The following RBFOX2 variants were observed in gnomAD, a reference collection of about 807,000 sequenced individuals.
The protein encoded by RBFOX2 is RNA binding fox-1 homolog 2.
A neutral mutation model predicts 49.1 loss-of-function variants in RBFOX2; 10 were observed. That is an observed-to-expected ratio of 0.20 (90% CI 0.13 to 0.35). The LOEUF (loss-of-function observed/expected upper bound fraction) is 0.35. Ranked by LOEUF, RBFOX2 falls within the 10% of genes least tolerant of loss-of-function variation. The pLI is 1.00. For missense variants in RBFOX2, 323 were observed against 486.9 expected (o/e 0.66, Z 3.17); for synonymous variants, 183 against 187.4 (o/e 0.98, Z 0.19).
intron 1 of RBFOX2, among the ~76,000 whole-genome samples, chr22:35,959,021 T>C (rs751141286): frequency 2.6e-4 from 40 of 152,010 alleles, no homozygotes; most frequent in Non-Finnish European, 7.4e-5. Context: ...ATACTCAAGA[T>C]AGCTGGGAGA....
intron 1 of RBFOX2, among the ~76,000 whole-genome samples, chr22:35,949,497 C>T (rs1028338470): frequency 6.6e-6 from 1 of 152,214 alleles, no homozygotes; most frequent in Admixed American, 6.5e-5. Context: ...TTCCACAGCA[C>T]TGAACCATTT....
intron 1 of RBFOX2, among the ~76,000 whole-genome samples, chr22:35,919,241 T>G (rs180823804): frequency 6.6e-5 from 10 of 152,190 alleles, no homozygotes; most frequent in Admixed American, 6.5e-4. Context: ...ATAGAGGAAT[T>G]AAGAAGTGAT....
At chr22:35,973,259 G>A (rs181157482) in intron 1 of RBFOX2, among the ~76,000 whole-genome samples, 20 of 152,158 alleles carry the variant, frequency 1.3e-4, no homozygotes, top group East Asian at 7.7e-4. Context: ...ATTTTCTTCC[G>A]TTAAACTGTT....
At position 35,969,113 on chromosome 22, in the gene RBFOX2, C is replaced by T. The variant is rs2056730740; in HGVS notation, c.187-30216G>A. The stretch of plus-strand genomic sequence containing the variant: ...GTAAAGTGAAGTGGGGTCTCAAGAG[C>T]CCCTCATACACTCTCCTTGCACACT... On this transcript the variant is annotated intron_variant, in intron 1 of 13. Transcript: ENST00000438146. 1.3e-5 allele frequency among the ~76,000 whole-genome samples: 2 copies of T among 152,126 alleles called. 1 individual carries two copies. The highest frequency in any genetic ancestry group is 4.2e-4 in the South Asian group (2 of 4,814).
intron 1 of RBFOX2, among the ~76,000 whole-genome samples, chr22:35,884,829 T>C (rs539295758): frequency 6.6e-6 from 1 of 152,278 alleles, no homozygotes; most frequent in East Asian, 1.9e-4. Context: ...TACAACATAT[T>C]GGTTAAGAGT....
At chr22:36,002,687 G>A (rs934668721) in intron 1 of RBFOX2, among the ~76,000 whole-genome samples, 2 of 152,346 alleles carry the variant, frequency 1.3e-5, no homozygotes. Flanking sequence ...GCAATGGCAC[G>A]ATCTCAGCTC....
At chr22:35,768,108 G>T (rs1257994077) in intron 5 of RBFOX2, 149 bp downstream of exon 6, 6 of 797,880 alleles carry the variant, frequency 7.5e-6, no homozygotes, top group Non-Finnish European at 1.2e-5. Context: ...ACATTTTAGT[G>T]CAAGAAGGTG....
chr22:35,817,949 AACACACACACACACACAC>A lies in RBFOX2; in HGVS notation c.28-7963_28-7946del, dbSNP rs71322983. Among the ~76,000 whole-genome samples the A allele has an allele frequency of 2.4e-3, 343 of 143,566 alleles. 3 individuals carry two copies. The highest frequency in any genetic ancestry group is 7.9e-3 in the African/African-American group (311 of 39,322). 94.2% of individuals were successfully genotyped at this position (143,566 alleles called of 152,430 possible). Reference sequence around the variant, plus strand: ...TAAACTTGCCTCCAAATCACTTGTCAACACACACACACACACACACACACACACACACACACCCCTCTT... The same window carrying A: ...TAAACTTGCCTCCAAATCACTTGTCAACACACACACACACACACCCCTCTT... On this transcript the variant is annotated intron_variant, in intron 1 of 11. Coordinates refer to ENST00000405409, the Ensembl canonical transcript of RBFOX2.
intron 2 of RBFOX2, among the ~76,000 whole-genome samples, chr22:35,804,919 T>C (rs1368374975): frequency 6.6e-6 from 1 of 152,170 alleles, no homozygotes; most frequent in Non-Finnish European, 1.5e-5. Context: ...AAGACTTATC[T>C]GATAACGGAC....
chr22:35,990,475 G>A (rs561757750), intron 1 of RBFOX2, among the ~76,000 whole-genome samples: 147 of 152,326 alleles, frequency 9.7e-4, no homozygotes, highest in African/African-American at 3.4e-3. Context: ...GGAGAAAAGA[G>A]GCAGTGGGGG....
chr22:35,879,048 A>T (rs544520325), intron 1 of RBFOX2, among the ~76,000 whole-genome samples: 1 of 152,206 alleles, frequency 6.6e-6, no homozygotes, highest in African/African-American at 2.4e-5. Flanking sequence ...TGTTTTTATA[A>T]TATTTAGAAG....
At chr22:35,782,704 A>G (rs949240297) in intron 2 of RBFOX2, among the ~76,000 whole-genome samples, 7 of 152,170 alleles carry the variant, frequency 4.6e-5, no homozygotes, top group Non-Finnish European at 1.0e-4. Flanking sequence ...GGGGAACCCA[A>G]CCTTCTGCAG....
At chr22:36,020,511 C>T (rs931069781) in intron 1 of RBFOX2, among the ~76,000 whole-genome samples, 1 of 152,158 alleles carries the variant, frequency 6.6e-6, no homozygotes. Context: ...TGACAAAGGG[C>T]TAATATCCAG....
At chr22:35,896,365 C>T (rs2047842988) in intron 1 of RBFOX2, among the ~76,000 whole-genome samples, 1 of 152,202 alleles carries the variant, frequency 6.6e-6, no homozygotes, top group East Asian at 1.9e-4. Context: ...CTCCTTCCCA[C>T]TCATTAAAGA....
In RBFOX2 at chr22:36,028,357, C is replaced by T. The variant is rs751971534; in HGVS notation, c.69G>A (p.Lys23=). The T allele has an allele frequency of 1.4e-5, 20 of 1,414,050 alleles. No homozygotes were observed. In the South Asian group the frequency reaches 2.7e-4, roughly 19 times the overall value. The allele number at this position is 1,414,050 out of a possible 1,614,324, so 87.6% of individuals were successfully genotyped here. ...CCGGCAGCTCCAGCTCCGACTCCCG[C>T]TTCATGCCCCGGGCGGCGGCGCCGG... The change falls in exon 1 of 14, where the codon AAG becomes AAA. Residue 23 remains lysine (K), a synonymous_variant. Coordinates refer to the RBFOX2 transcript ENST00000438146.
At chr22:35,758,512 T>C (rs1293337831) in intron 9 of RBFOX2, among the ~76,000 whole-genome samples, 1 of 152,242 alleles carries the variant, frequency 6.6e-6, no homozygotes, top group Non-Finnish European at 1.5e-5. Context: ...TTCCTTTTAA[T>C]GTTTCATTTG....
chr22:35,819,226 A>T (rs1027881695), intron 1 of RBFOX2, among the ~76,000 whole-genome samples: 2 of 152,100 alleles, frequency 1.3e-5, no homozygotes, highest in African/African-American at 4.8e-5. Context: ...TAAGTCTATA[A>T]AAAAAAGATA....
chr22:35,890,353 T>C (rs1465304948), intron 1 of RBFOX2, among the ~76,000 whole-genome samples: 7 of 152,298 alleles, frequency 4.6e-5, no homozygotes, highest in Middle Eastern at 3.4e-3. Context: ...TGGGTAGTAC[T>C]GAATTCTATA....
At chr22:36,000,970 C>T (rs187105699) in intron 1 of RBFOX2, among the ~76,000 whole-genome samples, 1 of 151,998 alleles carries the variant, frequency 6.6e-6, no homozygotes, top group African/African-American at 2.4e-5. Flanking sequence ...GAGGTTCTGA[C>T]AGATTATATG....
Sources: allele counts gnomAD v4.1 joint callset (sites outside exome capture counted in the v4.1 genomes callset), GRCh38; gene constraint gnomAD v4.1.1; transcripts MANE v1.5; gene names NCBI Gene and HGNC (gene_info 2026-07-23, HGNC 2026-07-21).